The following CLUL1 variants were observed in gnomAD, a reference collection of about 807,000 sequenced individuals.
CLUL1 encodes the protein clusterin-like protein 1.
CLUL1 carries 43 observed loss-of-function variants against 49.4 expected under a neutral mutation model. The observed-to-expected ratio is 0.87, with a 90% CI of 0.68 to 1.12. The LOEUF is 1.12. CLUL1 is among the 50% of genes most tolerant of loss of function. CLUL1 has a pLI of 0.00. For synonymous variants in CLUL1, 192 were observed against 184.9 expected (o/e 1.04, Z -0.31); for missense variants, 486 against 544.4 (o/e 0.89, Z 1.07).
intron 8 of CLUL1, among the ~76,000 whole-genome samples, chr18:643,350 T>C (rs1249656007): frequency 6.6e-6 from 1 of 152,238 alleles, no homozygotes; most frequent in Non-Finnish European, 1.5e-5. Context: ...TTCCAATCCC[T>C]GCCAGCTCTC....
rs1223649520 is a variant in CLUL1 at position 606,858 on chromosome 18, C to G, written c.-135-120C>G. 2.4e-5 allele frequency: 12 copies of G among 506,126 alleles called. No individual in the cohort carries two copies. The East Asian group carries it at 2.4e-4, about 10-fold the overall frequency. The allele number at this position is 506,126 out of a possible 1,614,324, so 31.4% of individuals were successfully genotyped here. On this transcript the variant is annotated intron_variant, in intron 1 of 9. Coordinates refer to ENST00000692774, the MANE Select transcript of CLUL1 (RefSeq NM_001393344.1). This position sits in a 1 kb window ranked among gnomAD's most constrained non-coding sequence, Gnocchi z 4.1. ...CATCTGCCTTCCCCCACCAGCACCCCCCACAAGGCAAGGCCAGTTCACCCT... is the reference window on the plus strand; with the variant it reads ...CATCTGCCTTCCCCCACCAGCACCCGCCACAAGGCAAGGCCAGTTCACCCT...
Position 633,419 on chromosome 18 carries a change from G to A in CLUL1, c.978G>A (p.Gln326=), listed in dbSNP as rs201998119. 1,772 of 1,613,672 alleles carry A rather than the reference G, an allele frequency of 1.1e-3. 30 individuals carry two copies. The South Asian group carries it at 0.018, about 16-fold the overall frequency. ...FKFHEKCQKC[Q]AHLSEDCPDV... is the part of the protein sequence containing the mutation. ...TTCATGAAAAATGCCAAAAATGTCAGGCTCACCTATCTGAAGGTAAATAAT... is the reference window on the plus strand; with the variant it reads ...TTCATGAAAAATGCCAAAAATGTCAAGCTCACCTATCTGAAGGTAAATAAT... Residue 326 remains glutamine (Q), a synonymous_variant, in exon 7 of 10, where the codon CAG becomes CAA. Coordinates refer to ENST00000692774, the MANE Select transcript of CLUL1 (RefSeq NM_001393344.1).
At chr18:610,965 G>A (rs2073117146) in intron 2 of CLUL1, among the ~76,000 whole-genome samples, 4 of 152,200 alleles carry the variant, frequency 2.6e-5, no homozygotes, top group Admixed American at 2.0e-4. Flanking sequence ...CTTACCAGCA[G>A]CTAATCAAAA....
chr18:629,093 A>G (rs1049225635), intron 6 of CLUL1, among the ~76,000 whole-genome samples: 1 of 152,218 alleles, frequency 6.6e-6, no homozygotes, highest in Non-Finnish European at 1.5e-5. Flanking sequence ...AACTGAAGCT[A>G]GGAAACAGTG....
At chr18:643,125 A>G (rs1023250313) in intron 8 of CLUL1, among the ~76,000 whole-genome samples, 6 of 152,008 alleles carry the variant, frequency 3.9e-5, no homozygotes, top group South Asian at 2.1e-4. Context: ...AAAATTAAAA[A>G]CCATACAAAA....
intron 6 of CLUL1, among the ~76,000 whole-genome samples, chr18:632,647 T>G (rs1378224458): frequency 6.6e-6 from 1 of 152,164 alleles, no homozygotes; most frequent in African/African-American, 2.4e-5. Context: ...AGCTGCCCTC[T>G]CCTACCTTAT....
chr18:633,494 T>C (rs2074045605), intron 7 of CLUL1, 59 bp downstream of exon 7: 7 of 1,479,414 alleles, frequency 4.7e-6, no homozygotes, highest in South Asian at 1.2e-5. Context: ...CATTTTGTTA[T>C]AAAGTTTCGG....
intron 7 of CLUL1, among the ~76,000 whole-genome samples, chr18:634,430 C>A (rs1188648479): frequency 6.6e-6 from 1 of 152,114 alleles, no homozygotes; most frequent in Non-Finnish European, 1.5e-5. Context: ...CCGTGCCTGG[C>A]CTGGTTTATA....
chr18:605,999 T>C (rs1018230930), intron 1 of CLUL1, among the ~76,000 whole-genome samples: 1 of 152,146 alleles, frequency 6.6e-6, no homozygotes, highest in Admixed American at 6.6e-5. Context: ...TTTTTTATTC[T>C]ATGTTTTAAT....
At chr18:645,810 A>AAAAATATAT (rs1451607900) in intron 9 of CLUL1, among the ~76,000 whole-genome samples, 1 of 29,872 alleles carries the variant, frequency 3.3e-5, no homozygotes, top group Non-Finnish European at 5.8e-5. Context: ...AAAAAAAAAA[A>AAAAATATAT]ATATATATAT....
Position 627,322 on chromosome 18 carries a change from T to C in CLUL1, c.649T>C (p.Phe217Leu). The change falls in exon 6 of 10, where the codon TTC becomes CTC. Residue 217 changes from phenylalanine to leucine, a missense_variant. Coordinates refer to ENST00000692774, the MANE Select transcript of CLUL1 (RefSeq NM_001393344.1). The part of the protein sequence containing the change: ...QEFDQTFQSH[F>L]ISDTDLTEPY... ...GTTTGACCAGACTTTTCAATCACAT[T>C]TCATATCAGATACAGACCTAACTGA... The C allele has an allele frequency of 6.2e-7, 1 of 1,614,048 alleles. No individual in the cohort carries two copies. Among genetic ancestry groups the C allele is most frequent in the South Asian group, 1.1e-5 (1 of 91,072 alleles).
At chr18:626,877 A>AAG (rs1394897070) in intron 5 of CLUL1, among the ~76,000 whole-genome samples, 1 of 680 alleles carries the variant, frequency 1.5e-3, no homozygotes, top group African/African-American at 1.7e-3. Context: ...GAAAGAAAGA[A>AAG]AGAAAGAAAG....
intron 6 of CLUL1, among the ~76,000 whole-genome samples, chr18:628,488 G>A (rs781235112): frequency 1.3e-5 from 2 of 152,144 alleles, no homozygotes; most frequent in East Asian, 1.9e-4. Flanking sequence ...GTTAGATACC[G>A]CATTCGAGAA....
chr18:645,034 C>T lies in CLUL1; in HGVS notation c.1334C>T (p.Ser445Phe), dbSNP rs1188686355. Residue 445 changes from serine (S) to phenylalanine (F), a missense_variant, in exon 9 of 10, where the codon TCT (serine) becomes TTT (phenylalanine). Physicochemically the swap from Ser to Phe is radical, Grantham distance 155. Coordinates refer to ENST00000692774, the MANE Select transcript of CLUL1 (RefSeq NM_001393344.1). ...KIPLEESAES[S>F]NFIGYVVAKA... Reference sequence around the variant, plus strand: ...CCTCTTGAAGAAAGTGCTGAGAGTTCTAACTTCATTGGCTACGTAGTGGCA... The same window carrying T: ...CCTCTTGAAGAAAGTGCTGAGAGTTTTAACTTCATTGGCTACGTAGTGGCA... 1.2e-6 allele frequency: 2 copies of T among 1,612,770 alleles called. No individual in the cohort carries two copies. The highest frequency in any genetic ancestry group is 1.7e-6 in the Non-Finnish European group (2 of 1,179,440).
intron 4 of CLUL1, among the ~76,000 whole-genome samples, chr18:622,176 CA>C (rs2073508444): frequency 6.6e-6 from 1 of 152,168 alleles, no homozygotes; most frequent in Non-Finnish European, 1.5e-5. Flanking sequence ...CACCCATTCT[CA>C]AGAGTACTGC....
In CLUL1 at chr18:627,337, G is replaced by A; in HGVS notation, c.664G>A (p.Asp222Asn). 6.2e-7 allele frequency: 1 copy of A among 1,614,024 alleles called. No homozygotes were observed. The highest frequency in any genetic ancestry group is 8.5e-7 in the Non-Finnish European group (1 of 1,179,954). ...TCAATCACATTTCATATCAGATACAGACCTAACTGAGCCTTACTTTTTTCC... is the reference window on the plus strand; with the variant it reads ...TCAATCACATTTCATATCAGATACAAACCTAACTGAGCCTTACTTTTTTCC... ...TFQSHFISDT[D>N]LTEPYFFPAF... is the part of the protein sequence containing the mutation. The change falls in exon 6 of 10, where the codon GAC becomes AAC. Residue 222 changes from aspartate to asparagine, a missense_variant. Physicochemically the swap from Asp to Asn is conservative, Grantham distance 23 (BLOSUM62 1). Coordinates refer to ENST00000692774, the MANE Select transcript of CLUL1 (RefSeq NM_001393344.1).
chr18:645,806 AAAAAATATATATATATATAT>A lies in CLUL1; in HGVS notation c.1397+711_1397+730del, dbSNP rs1322539442. Among the ~76,000 whole-genome samples the A allele has an allele frequency of 3.1e-4, 16 of 51,864 alleles. 4 individuals carry two copies. In the South Asian group the frequency reaches 6.0e-3, roughly 20 times the overall value. 34.0% of individuals were successfully genotyped at this position (51,864 alleles called of 152,430 possible). A position where few individuals can be genotyped will look rare whatever the true frequency, so the allele number is the denominator to read the frequency against. ...GAGACTCTGTTTAAAAAAAAAAAAA[AAAAAATATATATATATATAT>A]ATATATATATATATATATATATATA... On this transcript the variant is annotated intron_variant, in intron 9 of 9. Coordinates refer to ENST00000692774, the MANE Select transcript of CLUL1 (RefSeq NM_001393344.1).
intron 8 of CLUL1, among the ~76,000 whole-genome samples, chr18:644,420 A>G (rs1429203116): frequency 6.6e-6 from 1 of 152,260 alleles, no homozygotes; most frequent in Non-Finnish European, 1.5e-5. Context: ...AAAACTCAGT[A>G]CAAAACTTGG....
intron 2 of CLUL1, among the ~76,000 whole-genome samples, chr18:610,519 C>T (rs574539729): frequency 5.5e-4 from 83 of 152,190 alleles, no homozygotes; most frequent in African/African-American, 1.8e-3. Context: ...GAGAGACAGC[C>T]GGTAGAAGGT....
Sources: gnomAD v4.1 joint callset for allele counts (sites outside exome capture counted in the v4.1 genomes callset) on GRCh38, gnomAD v4.1.1 for gene constraint, Gnocchi (gnomAD v3.1) non-coding constraint, MANE v1.5 for transcripts, NCBI Gene and HGNC (gene_info 2026-07-23, HGNC 2026-07-21) for gene names.